Variants in MECOM observed in about 807,000 individuals in gnomAD.
MECOM encodes the protein MDS1 and EVI1 complex locus.
A neutral mutation model predicts 116.3 loss-of-function variants in MECOM; 13 were observed. That is an observed-to-expected ratio of 0.11 (90% confidence interval 0.07 to 0.18). The LOEUF is 0.18. Ranked by LOEUF, MECOM falls within the 10% of genes least tolerant of loss-of-function variation. MECOM has a pLI of 1.00. For synonymous variants in MECOM, 528 were observed against 535.2 expected, an observed-to-expected ratio of 0.99 and a Z score of 0.19; for missense variants, 1,299 against 1,509.0, an observed-to-expected ratio of 0.86 and a Z score of 2.31.
rs1325218316 is a variant in MECOM, at chr3:169,084,557, A to G, written c.*352T>C. ...TTCTATGGAGTGTTCATTCATATCA[A>G]TGCTGCCATCTCAACTGCCCTTCTC... is the stretch of plus-strand genomic sequence containing the variant. On this transcript the variant is annotated 3_prime_UTR_variant, in exon 17 of 17. Coordinates refer to ENST00000651503, the MANE Select transcript of MECOM (RefSeq NM_004991.4). 3.8e-6 allele frequency: 1 copy of G among 266,250 alleles called. No homozygotes were observed. Among genetic ancestry groups the G allele is most frequent in the Non-Finnish European group, 7.2e-6 (1 of 139,284 alleles). The allele number at this position is 266,250 out of a possible 1,614,324, so 16.5% of individuals were successfully genotyped here. A position where few individuals can be genotyped will look rare whatever the true frequency, so the allele number is the denominator to read the frequency against.
chr3:169,405,014 G>T (rs1577998584), intron 1 of MECOM, among the ~76,000 whole-genome samples: 1 of 152,174 alleles, frequency 6.6e-6, no homozygotes, highest in East Asian at 1.9e-4. Context: ...AGCCTTGAAT[G>T]AATTTTTAAT....
rs202201605 is a variant in MECOM, at chr3:169,115,376, C to A, written c.2489+7G>T. ...CTCATATTTCGTCATCTTCCATACA[C>A]GCTTACCTGTAAATAGGGTCCATAA... On this transcript the variant is annotated splice_region_variant and intron_variant, in intron 8 of 16. Coordinates refer to ENST00000651503, the MANE Select transcript of MECOM (RefSeq NM_004991.4). 6.2e-7 allele frequency: 1 copy of A among 1,611,794 alleles called. No individual in the cohort carries two copies. Among genetic ancestry groups the A allele is most frequent in the Non-Finnish European group, 8.5e-7 (1 of 1,178,846 alleles).
chr3:169,346,276 T>C (rs1725330951), intron 2 of MECOM, among the ~76,000 whole-genome samples: 1 of 152,122 alleles, frequency 6.6e-6, no homozygotes, highest in African/African-American at 2.4e-5. Context: ...CAGGTCAAAC[T>C]ATTTATTCTG....
At chr3:169,154,181 A>T (rs1416327658) in intron 2 of MECOM, among the ~76,000 whole-genome samples, 2 of 152,126 alleles carry the variant, frequency 1.3e-5, no homozygotes, top group Non-Finnish European at 2.9e-5. Flanking sequence ...TTCTGCAGCA[A>T]AGGTGGAATA....
chr3:169,272,630 G>A (rs767084305), intron 2 of MECOM, among the ~76,000 whole-genome samples: 3 of 152,124 alleles, frequency 2.0e-5, no homozygotes, highest in Non-Finnish European at 4.4e-5. Flanking sequence ...GAATGCTGAG[G>A]AGACCATCTT....
intron 1 of MECOM, among the ~76,000 whole-genome samples, chr3:169,547,569 C>T (rs914070897): frequency 6.6e-6 from 1 of 152,168 alleles, no homozygotes; most frequent in Admixed American, 6.5e-5. Context: ...TATTTAATAG[C>T]TTTGACCCTA....
At chr3:169,596,378 G>A (rs1249515865) in intron 1 of MECOM, among the ~76,000 whole-genome samples, 2 of 152,162 alleles carry the variant, frequency 1.3e-5, no homozygotes, top group Admixed American at 1.3e-4. Context: ...TCGGGCAAAC[G>A]TAATATCTCT....
At chr3:169,139,786 G>A (rs1368620122) in intron 3 of MECOM, among the ~76,000 whole-genome samples, 2 of 151,952 alleles carry the variant, frequency 1.3e-5, no homozygotes, top group African/African-American at 4.8e-5. Context: ...TGATCCAGGC[G>A]AAGGGTATAT....
intron 1 of MECOM, among the ~76,000 whole-genome samples, chr3:169,585,549 C>A (rs1765682486): frequency 6.6e-6 from 1 of 152,162 alleles, no homozygotes; most frequent in South Asian, 2.1e-4. Context: ...CCCAAAGTCC[C>A]TAACACCAGG....
At chr3:169,370,959 C>T (rs773544289) in intron 2 of MECOM, among the ~76,000 whole-genome samples, 1 of 151,856 alleles carries the variant, frequency 6.6e-6, no homozygotes, top group Non-Finnish European at 1.5e-5. Flanking sequence ...TATAAACAGT[C>T]CTCAAAAAAT....
chr3:169,153,333 A>G (rs578114842), intron 2 of MECOM, among the ~76,000 whole-genome samples: 3 of 152,316 alleles, frequency 2.0e-5, no homozygotes, highest in Admixed American at 6.5e-5. Flanking sequence ...TAACATATCA[A>G]TCTGGTTGTT....
chr3:169,090,701 G>C (rs1455619124), intron 14 of MECOM, among the ~76,000 whole-genome samples: 2 of 151,774 alleles, frequency 1.3e-5, no homozygotes, highest in East Asian at 3.9e-4. Flanking sequence ...CAAAGACAAT[G>C]TTAAAGTAGT....
At chr3:169,584,458 A>C (rs190397476) in intron 1 of MECOM, among the ~76,000 whole-genome samples, 46 of 151,438 alleles carry the variant, frequency 3.0e-4, no homozygotes, top group Non-Finnish European at 3.7e-4. Context: ...CCAGCTACTC[A>C]GGAGGCTGAG....
At chr3:169,201,682 G>A (rs1418996886) in intron 2 of MECOM, among the ~76,000 whole-genome samples, 1 of 152,016 alleles carries the variant, frequency 6.6e-6, no homozygotes, top group East Asian at 1.9e-4. Flanking sequence ...ATTTAGCCCT[G>A]GATAAAGTCC....
At chr3:169,284,496 T>C (rs75172339) in intron 2 of MECOM, among the ~76,000 whole-genome samples, 3,708 of 152,146 alleles carry the variant, frequency 0.024, 105 homozygotes, top group East Asian at 0.13. Flanking sequence ...ATTAGGCCTC[T>C]CTCACAATCT....
chr3:169,144,969 C>A, intron 2 of MECOM: 1 of 1,539,244 alleles, frequency 6.5e-7, no homozygotes, highest in East Asian at 2.3e-5. Flanking sequence ...GGCAATCACC[C>A]AATTGCAGAT....
intron 2 of MECOM, among the ~76,000 whole-genome samples, chr3:169,314,409 A>G (rs775301774): frequency 2.0e-5 from 3 of 152,254 alleles, no homozygotes; most frequent in Non-Finnish European, 4.4e-5. Context: ...TAGCACGTGC[A>G]TAGTTCACAG....
At chr3:169,338,912 T>C (rs774887588) in intron 2 of MECOM, among the ~76,000 whole-genome samples, 4 of 152,130 alleles carry the variant, frequency 2.6e-5, no homozygotes, top group Non-Finnish European at 5.9e-5. Flanking sequence ...GAAAAAAAGC[T>C]ATGTTTTTAC....
intron 1 of MECOM, among the ~76,000 whole-genome samples, chr3:169,560,318 AC>A (rs1484343912): frequency 6.6e-6 from 1 of 152,176 alleles, no homozygotes; most frequent in Non-Finnish European, 1.5e-5. Context: ...GACTAGAGAA[AC>A]CAAAGTATTT....
Sources: gnomAD v4.1 joint callset for allele counts (sites outside exome capture counted in the v4.1 genomes callset) on GRCh38, gnomAD v4.1.1 for gene constraint, MANE v1.5 for transcripts, NCBI Gene and HGNC (gene_info 2026-07-23, HGNC 2026-07-21) for gene names.